Variants in ABCC1 observed in about 807,000 individuals in gnomAD.
The protein encoded by ABCC1 is multidrug resistance-associated protein 1.
A neutral mutation model predicts 172.9 loss-of-function variants in ABCC1; 83 were observed. The ratio of observed to expected loss-of-function variants is 0.48; its 90% CI spans 0.40 to 0.58. The LOEUF (loss-of-function observed/expected upper bound fraction) is 0.58, where lower values mean the gene tolerates loss of function less well. ABCC1 is among the 20% of genes least tolerant of loss of function. ABCC1 has a pLI of 0.00. For missense variants in ABCC1, 1,817 were observed against 2,002.7 expected (o/e 0.91, Z 1.77); for synonymous variants, 937 against 825.2 (o/e 1.14, Z -2.32).
At chr16:15,995,349 C>T (rs950977691) in intron 1 of ABCC1, among the ~76,000 whole-genome samples, 1 of 152,104 alleles carries the variant, frequency 6.6e-6, no homozygotes, top group East Asian at 1.9e-4. Context: ...CAGAAGAAGG[C>T]GGCACAGGTT....
rs757598954 is a variant in ABCC1 at position 16,114,950 on chromosome 16, G to A, written c.3264G>A (p.Pro1088=). 11 of 1,614,020 alleles carry A rather than the reference G, an allele frequency of 6.8e-6. No homozygotes were observed. The highest frequency in any genetic ancestry group is 6.7e-5 in the Admixed American group (4 of 59,994). ...KELDTVDSMI[P]EVIKMFMGSL... is the part of the protein sequence containing the mutation. ...TGGACACAGTGGACTCCATGATCCCGGAGGTCATCAAGATGTTCATGGGCT... is the reference window on the plus strand; with the variant it reads ...TGGACACAGTGGACTCCATGATCCCAGAGGTCATCAAGATGTTCATGGGCT... Residue 1088 remains proline (P), a synonymous_variant, in exon 23 of 31, where the codon CCG becomes CCA. Coordinates refer to ENST00000399410, the MANE Select transcript of ABCC1 (RefSeq NM_004996.4).
intron 23 of ABCC1, among the ~76,000 whole-genome samples, chr16:16,116,661 C>G (rs1393953192): frequency 6.6e-6 from 1 of 152,034 alleles, no homozygotes; most frequent in Non-Finnish European, 1.5e-5. Flanking sequence ...CTCCCGGGTT[C>G]AAGTGATTCT....
intron 15 of ABCC1, among the ~76,000 whole-genome samples, chr16:16,078,227 G>C (rs1352971442): frequency 6.6e-6 from 1 of 152,076 alleles, no homozygotes; most frequent in Non-Finnish European, 1.5e-5. Context: ...TTCCATATAA[G>C]TGAGTCCAGC....
intron 5 of ABCC1, among the ~76,000 whole-genome samples, chr16:16,023,086 A>T (rs967135005): frequency 6.6e-6 from 1 of 151,966 alleles, no homozygotes; most frequent in Non-Finnish European, 1.5e-5. Flanking sequence ...GCTAATTTTT[A>T]AATTTTTTGT....
At chr16:15,961,139 C>A (rs1263369592) in intron 1 of ABCC1, among the ~76,000 whole-genome samples, 1 of 151,898 alleles carries the variant, frequency 6.6e-6, no homozygotes, top group African/African-American at 2.4e-5. Flanking sequence ...AGGCACTACG[C>A]CCTGCTGAAT....
rs539714122 is a variant in ABCC1 at position 16,142,804 on chromosome 16, C to G, written c.*1523C>G. On this transcript the variant is annotated 3_prime_UTR_variant, in exon 31 of 31. Transcript: ENST00000399410. Reference sequence around the variant, plus strand: ...TTAAAGCCTGTTCTTTAAGGTGTCTCGTTAGAGCCCAAAGTGGAATCCGGA... The same window carrying G: ...TTAAAGCCTGTTCTTTAAGGTGTCTGGTTAGAGCCCAAAGTGGAATCCGGA... 2.6e-5 allele frequency: 4 copies of G among 152,460 alleles called. No homozygotes were observed. Among genetic ancestry groups the G allele is most frequent in the Non-Finnish European group, 5.9e-5 (4 of 68,008 alleles). The allele number at this position is 152,460 out of a possible 1,614,324, so 9.4% of individuals were successfully genotyped here.
intron 1 of ABCC1, among the ~76,000 whole-genome samples, chr16:15,963,619 C>G (rs1006116555): frequency 5.3e-5 from 8 of 152,198 alleles, no homozygotes; most frequent in Non-Finnish European, 1.2e-4. Context: ...CACATGGAAG[C>G]TGCCGAGGCT....
At chr16:15,992,468 C>G (rs1272304742) in intron 1 of ABCC1, among the ~76,000 whole-genome samples, 1 of 151,702 alleles carries the variant, frequency 6.6e-6, no homozygotes, top group African/African-American at 2.4e-5. Context: ...GGCACAATCT[C>G]GGCTCACTGC....
intron 14 of ABCC1, among the ~76,000 whole-genome samples, chr16:16,073,739 A>G (rs2050443780): frequency 6.6e-6 from 1 of 152,214 alleles, no homozygotes; most frequent in Non-Finnish European, 1.5e-5. Flanking sequence ...CCTGGGTGTC[A>G]GAGTGAGACC....
At chr16:16,052,964 T>A in intron 11 of ABCC1, 148 bp downstream of exon 11, 1 of 679,716 alleles carries the variant, frequency 1.5e-6, no homozygotes, top group African/African-American at 1.8e-5. Flanking sequence ...TAACAAATGC[T>A]GATGCCCCGG....
At chr16:15,992,933 T>G (rs2046917767) in intron 1 of ABCC1, among the ~76,000 whole-genome samples, 1 of 152,138 alleles carries the variant, frequency 6.6e-6, no homozygotes, top group African/African-American at 2.4e-5. Context: ...TGTGCCATCT[T>G]TCTGCCTGGT....
chr16:16,109,695 C>G (rs1434100018), intron 21 of ABCC1, among the ~76,000 whole-genome samples: 1 of 152,176 alleles, frequency 6.6e-6, no homozygotes, highest in East Asian at 1.9e-4. Context: ...AAAGAAACTC[C>G]AACCTTCACC....
At chr16:16,022,632 G>T (rs1022392524) in intron 5 of ABCC1, among the ~76,000 whole-genome samples, 1 of 152,130 alleles carries the variant, frequency 6.6e-6, no homozygotes, top group African/African-American at 2.4e-5. Flanking sequence ...TCTCCAGGTG[G>T]TTCAGGGTTG....
intron 5 of ABCC1, among the ~76,000 whole-genome samples, chr16:16,027,642 G>A (rs1218372250): frequency 5.3e-5 from 8 of 152,228 alleles, no homozygotes; most frequent in Admixed American, 3.9e-4. Flanking sequence ...GTGAAATTCT[G>A]TCTCTACAAA....
At chr16:15,986,436 C>G (rs2046745799) in intron 1 of ABCC1, among the ~76,000 whole-genome samples, 1 of 152,222 alleles carries the variant, frequency 6.6e-6, no homozygotes, top group Non-Finnish European at 1.5e-5. Flanking sequence ...GCATTACCAC[C>G]TGAATTCCAC....
chr16:16,101,215 A>G (rs1334258988), intron 19 of ABCC1, among the ~76,000 whole-genome samples: 1 of 151,792 alleles, frequency 6.6e-6, no homozygotes, highest in Admixed American at 6.6e-5. Flanking sequence ...TATTTTTAGA[A>G]TAGAGTTGGG....
chr16:16,041,094 ATTT>A (rs35254618), intron 7 of ABCC1, among the ~76,000 whole-genome samples: 1 of 133,084 alleles, frequency 7.5e-6, no homozygotes, highest in African/African-American at 2.9e-5. Context: ...CACCTGGCTA[ATTT>A]TTTTTTTTTT....
At chr16:16,140,643 C>T (rs2046091373) in intron 30 of ABCC1, among the ~76,000 whole-genome samples, 1 of 152,214 alleles carries the variant, frequency 6.6e-6, no homozygotes, top group African/African-American at 2.4e-5. Context: ...GGTCAGCCAA[C>T]TATGGCCCAC....
intron 21 of ABCC1, among the ~76,000 whole-genome samples, chr16:16,109,725 C>A (rs1259674969): frequency 1.3e-5 from 2 of 152,106 alleles, no homozygotes; most frequent in Non-Finnish European, 2.9e-5. Context: ...GAACTGGGCA[C>A]TGGGAAGATG....
Sources: allele counts gnomAD v4.1 joint callset (sites outside exome capture counted in the v4.1 genomes callset), GRCh38; gene constraint gnomAD v4.1.1; transcripts MANE v1.5; gene names NCBI Gene and HGNC (gene_info 2026-07-23, HGNC 2026-07-21).